Variants in ARHGAP39 observed in about 807,000 individuals in gnomAD.
ARHGAP39 encodes the protein Rho GTPase activating protein 39, also known as rho GTPase-activating protein 39.
In ARHGAP39, 44 loss-of-function variants were observed where a neutral mutation model predicts 106.9. That is an observed-to-expected ratio of 0.41 (90% CI 0.32 to 0.53). ARHGAP39 has a LOEUF of 0.53. Ranked by LOEUF, ARHGAP39 falls within the 20% of genes least tolerant of loss-of-function variation. The pLI, the probability that ARHGAP39 is intolerant of heterozygous loss-of-function variation, is 0.21. For synonymous variants in ARHGAP39, 768 were observed against 693.2 expected, an observed-to-expected ratio of 1.11 and a Z score of -1.69; for missense variants, 1,496 against 1,577.3, an observed-to-expected ratio of 0.95 and a Z score of 0.87.
At chr8:144,576,991 C>T (rs764982480) in intron 3 of ARHGAP39, among the ~76,000 whole-genome samples, 2 of 152,206 alleles carry the variant, frequency 1.3e-5, no homozygotes, top group Admixed American at 6.5e-5. Context: ...AAACCATAAA[C>T]CAGATGCTGC....
intron 4 of ARHGAP39, among the ~76,000 whole-genome samples, chr8:144,550,119 A>C (rs1047443615): frequency 2.0e-5 from 3 of 150,964 alleles, no homozygotes; most frequent in African/African-American, 7.3e-5. Flanking sequence ...CAAAAACATA[A>C]ACCAATTAGC....
chr8:144,607,564 C>T (rs564193877), intron 1 of ARHGAP39, among the ~76,000 whole-genome samples: 1 of 152,304 alleles, frequency 6.6e-6, no homozygotes, highest in South Asian at 2.1e-4. Context: ...TCAGTACAGC[C>T]CCCACCCCGC....
intron 6 of ARHGAP39, among the ~76,000 whole-genome samples, chr8:144,541,971 G>GC (rs1817212083): frequency 6.8e-6 from 1 of 146,874 alleles, no homozygotes; most frequent in African/African-American, 2.5e-5. Flanking sequence ...TCCTTTCTGG[G>GC]TTTTTTTTTT....
At chr8:144,537,059 C>T (rs1484369414) in intron 7 of ARHGAP39, among the ~76,000 whole-genome samples, 2 of 152,098 alleles carry the variant, frequency 1.3e-5, no homozygotes, top group South Asian at 2.1e-4. Context: ...GGTGTGAGCG[C>T]GGAGCTGACT....
chr8:144,579,798 G>C (rs773065080), intron 3 of ARHGAP39, among the ~76,000 whole-genome samples: 1 of 152,080 alleles, frequency 6.6e-6, no homozygotes, highest in Admixed American at 6.5e-5. Flanking sequence ...AGCTCCCCTG[G>C]CAACCTCAGC....
chr8:144,687,196 C>T (rs541189908), upstream of ARHGAP39, among the ~76,000 whole-genome samples: 2 of 56,638 alleles, frequency 3.5e-5, no homozygotes, highest in Non-Finnish European at 6.4e-5. Flanking sequence ...TTCCCACCCC[C>T]GTGACCACAC....
chr8:144,632,919 G>A (rs1052964673), intron 1 of ARHGAP39, among the ~76,000 whole-genome samples: 11 of 152,170 alleles, frequency 7.2e-5, no homozygotes, highest in African/African-American at 1.9e-4. Flanking sequence ...GAAATCTTCC[G>A]GGCCATGCTC....
intron 1 of ARHGAP39, among the ~76,000 whole-genome samples, chr8:144,617,890 T>G (rs1820680371): frequency 6.6e-6 from 1 of 152,146 alleles, no homozygotes; most frequent in Non-Finnish European, 1.5e-5. Context: ...CAAATGATGC[T>G]CCAGCCTCAG....
chr8:144,551,529 C>T (rs979193734), intron 4 of ARHGAP39, among the ~76,000 whole-genome samples: 1 of 152,196 alleles, frequency 6.6e-6, no homozygotes, highest in African/African-American at 2.4e-5. Flanking sequence ...CCCCAGGCCA[C>T]GCAGCACAGA....
intron 1 of ARHGAP39, among the ~76,000 whole-genome samples, chr8:144,623,383 C>T (rs138032613): frequency 1.3e-5 from 2 of 152,294 alleles, no homozygotes; most frequent in African/African-American, 4.8e-5. Context: ...AAGACAAAGA[C>T]TGTCAGCAAG....
At chr8:144,535,812 C>A (rs544671652) in intron 7 of ARHGAP39, among the ~76,000 whole-genome samples, 1 of 152,346 alleles carries the variant, frequency 6.6e-6, no homozygotes, top group African/African-American at 2.4e-5. Context: ...GATCATAATG[C>A]AGTCTCTCTG....
chr8:144,699,590 G>A, the ARHGAP39 span, among the ~76,000 whole-genome samples: 5 of 129,326 alleles, frequency 3.9e-5, no homozygotes, highest in East Asian at 1.0e-3. Flanking sequence ...TGGGCTGGGG[G>A]CACGGAGGGG....
intron 1 of ARHGAP39, among the ~76,000 whole-genome samples, chr8:144,619,733 CGT>C (rs1254187569): frequency 2.7e-5 from 4 of 146,928 alleles, no homozygotes; most frequent in African/African-American, 7.6e-5. Flanking sequence ...TGTCCGTGTG[CGT>C]GTGAGCCTGT....
intron 1 of ARHGAP39, among the ~76,000 whole-genome samples, chr8:144,653,840 C>T (rs1419310466): frequency 6.6e-6 from 1 of 152,150 alleles, no homozygotes; most frequent in Non-Finnish European, 1.5e-5. Context: ...CTGGACTTGT[C>T]CTCCTGTTGG....
At chr8:144,650,841 A>C (rs992560516) in intron 1 of ARHGAP39, among the ~76,000 whole-genome samples, 17 of 152,320 alleles carry the variant, frequency 1.1e-4, no homozygotes, top group African/African-American at 3.8e-4. Flanking sequence ...GAAAACCAGC[A>C]CAAGGATGCC....
intron 3 of ARHGAP39, among the ~76,000 whole-genome samples, chr8:144,556,745 T>C (rs1262809100): frequency 1.4e-5 from 1 of 73,494 alleles, no homozygotes; most frequent in Non-Finnish European, 2.5e-5. Context: ...CTTCATAGTA[T>C]TCAGAGGCAA....
chr8:144,570,002 C>T (rs1233955487), intron 3 of ARHGAP39, among the ~76,000 whole-genome samples: 1 of 152,212 alleles, frequency 6.6e-6, no homozygotes, highest in East Asian at 1.9e-4. Flanking sequence ...GGGCAGATCA[C>T]TTGAGGTCAA....
chr8:144,602,857 C>T lies in ARHGAP39; in HGVS notation c.80+2678G>A, dbSNP rs1361973060. On this transcript the variant is annotated intron_variant, in intron 2 of 11. Transcript: ENST00000377307. ...GTGCATGGAGGCGTGCGTGTGAGCT[C>T]GTGTACCTGTGTGCATGTGTGTGGT... Among the ~76,000 whole-genome samples, 13 of 121,322 alleles carry T rather than the reference C, an allele frequency of 1.1e-4. 2 individuals carry two copies. In the South Asian group the frequency reaches 2.9e-3, roughly 27 times the overall value. 79.6% of individuals were successfully genotyped at this position (121,322 alleles called of 152,430 possible).
chr8:144,576,660 AT>A (rs1818789195), intron 3 of ARHGAP39, among the ~76,000 whole-genome samples: 2 of 152,222 alleles, frequency 1.3e-5, no homozygotes, highest in Non-Finnish European at 2.9e-5. Flanking sequence ...AATTATGATA[AT>A]CCAATACCAA....
Sources: gnomAD v4.1 joint callset for allele counts (sites outside exome capture counted in the v4.1 genomes callset) on GRCh38, gnomAD v4.1.1 for gene constraint, MANE v1.5 for transcripts, NCBI Gene and HGNC (gene_info 2026-07-23, HGNC 2026-07-21) for gene names.